Variants in CCNYL1 observed in about 807,000 individuals in gnomAD.
The protein encoded by CCNYL1 is cyclin Y like 1.
A neutral mutation model predicts 44.2 loss-of-function variants in CCNYL1; 16 were observed. The ratio of observed to expected loss-of-function variants is 0.36; its 90% CI spans 0.25 to 0.55. The LOEUF is 0.55. Ranked by LOEUF, CCNYL1 falls within the 20% of genes least tolerant of loss-of-function variation. The probability of loss-of-function intolerance (pLI) is 0.85; values close to 1 mark genes in which losing one functional copy is unlikely to be tolerated. For missense variants in CCNYL1, 348 were observed against 451.8 expected, an observed-to-expected ratio of 0.77 and a Z score of 2.08; for synonymous variants, 159 against 163.2, an observed-to-expected ratio of 0.97 and a Z score of 0.20.
At chr2:207,745,190 G>T (rs2091845629) in intron 7 of CCNYL1, among the ~76,000 whole-genome samples, 1 of 152,172 alleles carries the variant, frequency 6.6e-6, no homozygotes, top group South Asian at 2.1e-4. Flanking sequence ...GGGGAGTTGT[G>T]GGGAGGGGGA....
intron 9 of CCNYL1, among the ~76,000 whole-genome samples, chr2:207,751,592 C>T (rs1054573932): frequency 4.6e-5 from 7 of 151,938 alleles, no homozygotes; most frequent in South Asian, 4.2e-4. Flanking sequence ...CGGTGGCTTA[C>T]GCCTGTAAGC....
chr2:207,730,339 T>C (rs2091717540), intron 3 of CCNYL1, among the ~76,000 whole-genome samples: 1 of 152,218 alleles, frequency 6.6e-6, no homozygotes, highest in African/African-American at 2.4e-5. Flanking sequence ...GTTTGAAGTC[T>C]GCCTTGGGTT....
In CCNYL1 at chr2:207,755,982, GACAT is replaced by G. The variant is rs1376097585; in HGVS notation, c.*2286_*2289del. The G allele has an allele frequency of 6.6e-6, 1 of 151,328 alleles. No individual in the cohort carries two copies. Among genetic ancestry groups the G allele is most frequent in the Non-Finnish European group, 1.5e-5 (1 of 68,002 alleles). 9.4% of individuals were successfully genotyped at this position (151,328 alleles called of 1,614,324 possible). On this transcript the variant is annotated 3_prime_UTR_variant, in exon 10 of 10. Coordinates refer to ENST00000295414, the MANE Select transcript of CCNYL1 (RefSeq NM_001330218.2). ...GTTTCCATCATTTTTAAAGGACAGA[GACAT>G]AAATGATAAATAATGGTATACAAAT...
At chr2:207,741,174 G>C (rs1179187870) in intron 6 of CCNYL1, among the ~76,000 whole-genome samples, 1 of 152,070 alleles carries the variant, frequency 6.6e-6, no homozygotes, top group Admixed American at 6.6e-5. Context: ...AGAATGGCGT[G>C]AACGTGGAAG....
chr2:207,725,404 C>T (rs928497979), intron 2 of CCNYL1, among the ~76,000 whole-genome samples: 9 of 152,166 alleles, frequency 5.9e-5, no homozygotes, highest in African/African-American at 2.2e-4. Context: ...GGATTACAGG[C>T]GTGAGCCATC....
At position 207,712,128 on chromosome 2, in the gene CCNYL1, G is replaced by A; in HGVS notation, c.220+12G>A. ...CGAGATGCCCGAAGGTAAGGAGGCG[G>A]CGGATGCCATCCGCCCTCGGGCTCA... On this transcript the variant is annotated intron_variant, in intron 1 of 9. Transcript: ENST00000295414. 6.3e-7 allele frequency: 1 copy of A among 1,592,664 alleles called. No individual in the cohort carries two copies. The highest frequency in any genetic ancestry group is 8.5e-7 in the Non-Finnish European group (1 of 1,170,482).
Position 207,744,880 on chromosome 2 carries a change from A to G in CCNYL1, c.640-2167A>G, listed in dbSNP as rs142065464. On this transcript the variant is annotated intron_variant, in intron 7 of 9. Coordinates refer to ENST00000295414, the MANE Select transcript of CCNYL1 (RefSeq NM_001330218.2). ...AGAATCAAAAGCGAGCAGCCTACCAATGAAGGTGGACATAGCAGGAATTGT... is the reference window on the plus strand; with the variant it reads ...AGAATCAAAAGCGAGCAGCCTACCAGTGAAGGTGGACATAGCAGGAATTGT... Among the ~76,000 whole-genome samples, 10 of 152,344 alleles carry G rather than the reference A, an allele frequency of 6.6e-5. No homozygotes were observed. The South Asian group carries it at 1.4e-3, about 22-fold the overall frequency.
chr2:207,739,732 T>C (rs928014513), intron 5 of CCNYL1, among the ~76,000 whole-genome samples: 1 of 152,192 alleles, frequency 6.6e-6, no homozygotes, highest in African/African-American at 2.4e-5. Flanking sequence ...AATAATACCA[T>C]TAATTTTTAC....
intron 3 of CCNYL1, among the ~76,000 whole-genome samples, chr2:207,729,617 G>T (rs926097635): frequency 6.6e-6 from 1 of 151,854 alleles, no homozygotes; most frequent in Non-Finnish European, 1.5e-5. Flanking sequence ...TTATCTGGTG[G>T]GTCTTGTCTT....
chr2:207,726,785 A>G (rs1575212691), intron 2 of CCNYL1, 57 bp from the exon 3 acceptor site: 2 of 1,162,836 alleles, frequency 1.7e-6, no homozygotes, highest in Non-Finnish European at 2.5e-6. Context: ...ATTAGCAACT[A>G]CTTTTATACT....
At chr2:207,751,457 T>TA (rs1018542145) in intron 9 of CCNYL1, among the ~76,000 whole-genome samples, 1 of 152,194 alleles carries the variant, frequency 6.6e-6, no homozygotes, top group Non-Finnish European at 1.5e-5. Flanking sequence ...CTGTGGCTCA[T>TA]GTCTGTAATC....
In CCNYL1 at chr2:207,711,958, C is replaced by T. The variant is rs1464037288; in HGVS notation, c.62C>T (p.Ala21Val). The T allele has an allele frequency of 7.1e-7, 1 of 1,401,554 alleles. No homozygotes were observed. The highest frequency in any genetic ancestry group is 9.3e-7 in the Non-Finnish European group (1 of 1,075,122). The allele number at this position is 1,401,554 out of a possible 1,614,324, so 86.8% of individuals were successfully genotyped here. Residue 21 changes from alanine (A) to valine (V), a missense_variant, in exon 1 of 10, where the codon GCG (alanine) becomes GTG (valine). Physicochemically the swap from Ala to Val is moderately conservative, Grantham distance 64. Coordinates refer to ENST00000295414, the MANE Select transcript of CCNYL1 (RefSeq NM_001330218.2). ...GCCAGCCCCAAGCTGGGCCGGCGCG[C>T]GGGGTCGGCGGAGCTGTACTGCGCG... ...PNASPKLGRR[A>V]GSAELYCASD... is the part of the protein sequence containing the mutation.
At position 207,712,130 on chromosome 2, in the gene CCNYL1, G is replaced by A. The variant is rs200116272; in HGVS notation, c.220+14G>A. ...AGATGCCCGAAGGTAAGGAGGCGGC[G>A]GATGCCATCCGCCCTCGGGCTCACC... On this transcript the variant is annotated intron_variant, in intron 1 of 9. Transcript: ENST00000295414. The A allele has an allele frequency of 6.3e-7, 1 of 1,591,898 alleles. No homozygotes were observed. The highest frequency in any genetic ancestry group is 1.1e-5 in the South Asian group (1 of 90,290).
chr2:207,724,212 G>C (rs2091662972), intron 1 of CCNYL1, among the ~76,000 whole-genome samples: 1 of 152,206 alleles, frequency 6.6e-6, no homozygotes, highest in South Asian at 2.1e-4. Flanking sequence ...ACATGTTTCT[G>C]TATGTTAGAA....
At chr2:207,747,596 T>A (rs1417530113) in intron 8 of CCNYL1, among the ~76,000 whole-genome samples, 1 of 152,240 alleles carries the variant, frequency 6.6e-6, no homozygotes, top group African/African-American at 2.4e-5. Flanking sequence ...TTGCCTAGGC[T>A]GGAGTGCAGT....
chr2:207,735,918 C>G (rs1052928717), intron 4 of CCNYL1, among the ~76,000 whole-genome samples: 1 of 151,968 alleles, frequency 6.6e-6, no homozygotes, highest in Non-Finnish European at 1.5e-5. Flanking sequence ...CTCCTCATGC[C>G]CCAAGTCATA....
At chr2:207,741,685 A>C (rs1456092919) in intron 6 of CCNYL1, among the ~76,000 whole-genome samples, 1 of 151,782 alleles carries the variant, frequency 6.6e-6, no homozygotes, top group Non-Finnish European at 1.5e-5. Flanking sequence ...CCTCTGTTAA[A>C]AATACAAAAA....
chr2:207,744,375 T>C (rs2105838076), intron 7 of CCNYL1, among the ~76,000 whole-genome samples: 1 of 152,086 alleles, frequency 6.6e-6, no homozygotes, highest in Non-Finnish European at 1.5e-5. Flanking sequence ...TTGTTTTGTT[T>C]TGTTTTTGAG....
intron 3 of CCNYL1, among the ~76,000 whole-genome samples, chr2:207,731,257 GGAA>G (rs1172234658): frequency 6.6e-6 from 1 of 152,000 alleles, no homozygotes; most frequent in African/African-American, 2.4e-5. Context: ...AGGCACAATG[GGAA>G]AAGTCAGTGG....
Sources: gnomAD v4.1 joint callset for allele counts (sites outside exome capture counted in the v4.1 genomes callset) on GRCh38, gnomAD v4.1.1 for gene constraint, MANE v1.5 for transcripts, NCBI Gene and HGNC (gene_info 2026-07-23, HGNC 2026-07-21) for gene names.